The following PDGFD variants were observed in gnomAD, a reference collection of about 807,000 sequenced individuals.
The protein encoded by PDGFD is platelet derived growth factor D, also known as platelet-derived growth factor D.
In PDGFD, 30 loss-of-function variants were observed where a neutral mutation model predicts 44.7. The ratio of observed to expected loss-of-function variants is 0.67; its 90% CI spans 0.50 to 0.91. The LOEUF is 0.91. Ranked by LOEUF, PDGFD falls within the 40% of genes least tolerant of loss-of-function variation. The pLI, the probability that PDGFD is intolerant of heterozygous loss-of-function variation, is 0.00. For synonymous variants in PDGFD, 173 were observed against 168.4 expected, an observed-to-expected ratio of 1.03 and a Z score of -0.21; for missense variants, 445 against 457.8, an observed-to-expected ratio of 0.97 and a Z score of 0.25.
At chr11:103,920,214 T>C (rs1858192537) in intron 6 of PDGFD, among the ~76,000 whole-genome samples, 1 of 152,262 alleles carries the variant, frequency 6.6e-6, no homozygotes, top group Non-Finnish European at 1.5e-5. Flanking sequence ...AACATGCTCA[T>C]GAATTTTGAA....
chr11:103,988,860 A>G (rs1467187997), intron 3 of PDGFD, among the ~76,000 whole-genome samples: 3 of 152,312 alleles, frequency 2.0e-5, no homozygotes, highest in African/African-American at 7.2e-5. Flanking sequence ...TTTAAATTCT[A>G]TATTTTCCCT....
At chr11:104,142,122 A>G (rs555528581) in intron 1 of PDGFD, among the ~76,000 whole-genome samples, 5 of 152,274 alleles carry the variant, frequency 3.3e-5, no homozygotes, top group African/African-American at 9.6e-5. Context: ...TATCACATAC[A>G]CATCCTTATA....
At chr11:104,115,450 G>A (rs1393117199) in intron 1 of PDGFD, among the ~76,000 whole-genome samples, 3 of 151,500 alleles carry the variant, frequency 2.0e-5, no homozygotes, top group African/African-American at 7.3e-5. Flanking sequence ...ATGGACATTT[G>A]GGTTTGTTAC....
At chr11:104,049,309 G>A (rs1350315846) in intron 1 of PDGFD, among the ~76,000 whole-genome samples, 5 of 152,114 alleles carry the variant, frequency 3.3e-5, no homozygotes, top group African/African-American at 1.2e-4. Flanking sequence ...GAGAAAATCT[G>A]GGTAAAGCAC....
intron 1 of PDGFD, among the ~76,000 whole-genome samples, chr11:104,127,330 T>C (rs567479240): frequency 6.6e-6 from 1 of 152,116 alleles, no homozygotes; most frequent in East Asian, 1.9e-4. Flanking sequence ...TTATAATTAG[T>C]AGGAGGTGTG....
chr11:104,030,546 AT>A (rs1451600290), intron 1 of PDGFD, among the ~76,000 whole-genome samples: 1 of 152,198 alleles, frequency 6.6e-6, no homozygotes, highest in Non-Finnish European at 1.5e-5. Flanking sequence ...AGCATTCGTT[AT>A]TTTTTGTCAG....
At chr11:104,147,102 C>T (rs1342101846) in intron 1 of PDGFD, among the ~76,000 whole-genome samples, 1 of 151,934 alleles carries the variant, frequency 6.6e-6, no homozygotes, top group African/African-American at 2.4e-5. Context: ...CAGAGTCACA[C>T]TGTGACTTGA....
chr11:103,940,194 T>C (rs1438583281), intron 5 of PDGFD, among the ~76,000 whole-genome samples: 1 of 152,084 alleles, frequency 6.6e-6, no homozygotes, highest in Non-Finnish European at 1.5e-5. Flanking sequence ...AACACATCAT[T>C]TAATTGTAAA....
At chr11:103,956,301 G>C (rs1171707466) in intron 3 of PDGFD, among the ~76,000 whole-genome samples, 1 of 151,470 alleles carries the variant, frequency 6.6e-6, no homozygotes, top group African/African-American at 2.4e-5. Context: ...CTATGAGTGA[G>C]AACAGGCGGT....
In PDGFD at chr11:103,990,106, T is replaced by C. The variant is rs1859427684; in HGVS notation, c.510+5959A>G. Among the ~76,000 whole-genome samples, 4 of 152,244 alleles carry C rather than the reference T, an allele frequency of 2.6e-5. No individual in the cohort carries two copies. In the South Asian group the frequency reaches 6.2e-4, roughly 24 times the overall value. ...GACTTGAGAGATATCCTCAGTAGGATGGTCTGAGATAAAGATAAGAAACCT... is the reference window on the plus strand; with the variant it reads ...GACTTGAGAGATATCCTCAGTAGGACGGTCTGAGATAAAGATAAGAAACCT... On this transcript the variant is annotated intron_variant, in intron 3 of 6. Coordinates refer to ENST00000393158, the MANE Select transcript of PDGFD (RefSeq NM_025208.5).
At chr11:104,099,660 TAA>T (rs1447425940) in intron 1 of PDGFD, among the ~76,000 whole-genome samples, 1 of 146,106 alleles carries the variant, frequency 6.8e-6, no homozygotes, top group Non-Finnish European at 1.5e-5. Context: ...ATAATAATAA[TAA>T]TAATAATAAT....
intron 1 of PDGFD, among the ~76,000 whole-genome samples, chr11:104,022,637 T>C (rs953335387): frequency 5.9e-5 from 9 of 152,082 alleles, no homozygotes; most frequent in Non-Finnish European, 1.0e-4. Context: ...AGTTTGTTTT[T>C]ACTATGCTAA....
At chr11:104,115,368 C>T (rs1371830097) in intron 1 of PDGFD, among the ~76,000 whole-genome samples, 3 of 149,554 alleles carry the variant, frequency 2.0e-5, no homozygotes, top group Admixed American at 1.3e-4. Flanking sequence ...TGATGGAATA[C>T]TCATCTATAA....
intron 6 of PDGFD, among the ~76,000 whole-genome samples, chr11:103,925,644 A>ACT (rs1165724093): frequency 1.4e-3 from 173 of 126,222 alleles, no homozygotes; most frequent in Middle Eastern, 4.5e-3. Flanking sequence ...TCTTCAGTCT[A>ACT]CTCTCTCTCT....
intron 1 of PDGFD, among the ~76,000 whole-genome samples, chr11:104,104,230 C>G (rs554424230): frequency 2.0e-5 from 3 of 152,030 alleles, no homozygotes; most frequent in Non-Finnish European, 4.4e-5. Context: ...TGAGTTATTG[C>G]AAAAGGGTCA....
chr11:104,049,234 G>A (rs1198851722), intron 1 of PDGFD, among the ~76,000 whole-genome samples: 1 of 152,206 alleles, frequency 6.6e-6, no homozygotes, highest in Non-Finnish European at 1.5e-5. Flanking sequence ...AACAGGGTCA[G>A]GGAAGGTTTC....
chr11:104,101,304 A>G (rs933176833), intron 1 of PDGFD, among the ~76,000 whole-genome samples: 1 of 152,156 alleles, frequency 6.6e-6, no homozygotes, highest in African/African-American at 2.4e-5. Flanking sequence ...TTTACACACC[A>G]ATAATAGACA....
intron 1 of PDGFD, 122 bp downstream of exon 1, chr11:104,163,682 A>G (rs995172991): frequency 2.5e-6 from 3 of 1,220,136 alleles, no homozygotes; most frequent in South Asian, 2.0e-5. Context: ...CCCTCCCCAA[A>G]CAATGCATTC....
intron 6 of PDGFD, among the ~76,000 whole-genome samples, chr11:103,915,499 G>T (rs922798384): frequency 6.6e-6 from 1 of 151,286 alleles, no homozygotes; most frequent in Non-Finnish European, 1.5e-5. Context: ...TAAGAATCAT[G>T]AAAATGGCCA....
Sources: allele counts gnomAD v4.1 joint callset (sites outside exome capture counted in the v4.1 genomes callset), GRCh38; gene constraint gnomAD v4.1.1; transcripts MANE v1.5; gene names NCBI Gene and HGNC (gene_info 2026-07-23, HGNC 2026-07-21).